Variants in RIT2 observed in about 807,000 individuals in gnomAD.
The protein encoded by RIT2 is Ras like without CAAX 2.
RIT2 carries 24 observed loss-of-function variants against 23.7 expected under a neutral mutation model. That is an observed-to-expected ratio of 1.01 (90% CI 0.73 to 1.43). The LOEUF (loss-of-function observed/expected upper bound fraction) is 1.43, where lower values mean the gene tolerates loss of function less well. RIT2 is among the 40% of genes most tolerant of loss of function. RIT2 has a pLI of 0.00. For missense variants in RIT2, 236 were observed against 266.9 expected (o/e 0.88, Z 0.81); for synonymous variants, 107 against 91.1 (o/e 1.17, Z -0.99).
chr18:42,964,410 AAG>A (rs1309699040), intron 3 of RIT2, among the ~76,000 whole-genome samples: 1 of 151,902 alleles, frequency 6.6e-6, no homozygotes, highest in Non-Finnish European at 1.5e-5. Context: ...AGTGAGCTCC[AAG>A]ATTTTTACCC....
At chr18:42,918,949 C>T (rs947400415) in intron 4 of RIT2, among the ~76,000 whole-genome samples, 1 of 152,134 alleles carries the variant, frequency 6.6e-6, no homozygotes, top group Admixed American at 6.5e-5. Flanking sequence ...ACATGGGTCT[C>T]TCCTGGTTTT....
At chr18:43,114,733 T>C (rs901553992) in intron 1 of RIT2, among the ~76,000 whole-genome samples, 2 of 152,182 alleles carry the variant, frequency 1.3e-5, no homozygotes, top group Admixed American at 6.5e-5. Flanking sequence ...TTCCGTTCTT[T>C]ATGTACCAAA....
intron 3 of RIT2, among the ~76,000 whole-genome samples, chr18:42,949,671 T>C (rs1909805347): frequency 6.6e-6 from 1 of 152,118 alleles, no homozygotes; most frequent in Non-Finnish European, 1.5e-5. Flanking sequence ...TATTAGTTAC[T>C]CCACTTCGAT....
chr18:42,853,072 G>A (rs1022831467), intron 4 of RIT2, among the ~76,000 whole-genome samples: 65 of 152,048 alleles, frequency 4.3e-4, no homozygotes, highest in African/African-American at 1.4e-3. Flanking sequence ...GACTTCAGGC[G>A]ACCCGCCAGC....
intron 4 of RIT2, among the ~76,000 whole-genome samples, chr18:42,836,364 G>A (rs1906603445): frequency 6.6e-6 from 1 of 152,114 alleles, no homozygotes; most frequent in African/African-American, 2.4e-5. Flanking sequence ...GTGGGATGGG[G>A]AGAGTAAAGC....
At chr18:43,087,342 C>T (rs1008187591) in intron 1 of RIT2, among the ~76,000 whole-genome samples, 4 of 151,982 alleles carry the variant, frequency 2.6e-5, no homozygotes, top group Admixed American at 1.3e-4. Context: ...CATAATAACA[C>T]GTGGATGTGT....
At chr18:42,796,135 T>C (rs1238637100) in intron 4 of RIT2, among the ~76,000 whole-genome samples, 2 of 152,096 alleles carry the variant, frequency 1.3e-5, no homozygotes, top group African/African-American at 4.8e-5. Flanking sequence ...TTGCTACTGC[T>C]CACTCTTTGG....
At chr18:42,975,509 C>T (rs1279339276) in intron 2 of RIT2, among the ~76,000 whole-genome samples, 1 of 151,994 alleles carries the variant, frequency 6.6e-6, no homozygotes, top group African/African-American at 2.4e-5. Context: ...TTTATATACA[C>T]AGCCAGGACC....
At chr18:42,826,414 T>A (rs1906298891) in intron 4 of RIT2, among the ~76,000 whole-genome samples, 1 of 152,070 alleles carries the variant, frequency 6.6e-6, no homozygotes. Context: ...AACAAAGATT[T>A]AATCATCTCA....
intron 1 of RIT2, among the ~76,000 whole-genome samples, chr18:43,073,727 C>A (rs1035186082): frequency 2.0e-5 from 3 of 152,164 alleles, no homozygotes; most frequent in Non-Finnish European, 4.4e-5. Context: ...TAGGAACCCT[C>A]CCCTCCAGCA....
intron 1 of RIT2, among the ~76,000 whole-genome samples, chr18:43,087,687 A>G (rs566645285): frequency 7.2e-5 from 11 of 152,284 alleles, no homozygotes; most frequent in East Asian, 5.8e-4. Flanking sequence ...GTTTCAGGTA[A>G]GAGTCTGAGG....
Position 42,949,630 on chromosome 18 carries a change from T to C in RIT2, c.234+24444A>G, listed in dbSNP as rs189517237. Among the ~76,000 whole-genome samples the C allele has an allele frequency of 1.0e-3, 154 of 152,224 alleles. 1 individual carries two copies. The highest frequency in any genetic ancestry group is 3.6e-3 in the African/African-American group (150 of 41,576). On this transcript the variant is annotated intron_variant, in intron 3 of 4. Transcript: ENST00000326695. ...TACAAGTATGAGAAATCTCTCTTCA[T>C]AGCCTTCCTCAGCTCTATTTAACTA...
chr18:43,013,618 C>T (rs954585104), intron 2 of RIT2, among the ~76,000 whole-genome samples: 1 of 151,814 alleles, frequency 6.6e-6, no homozygotes, highest in African/African-American at 2.4e-5. Flanking sequence ...GTATCATCTG[C>T]ATTATACAGT....
chr18:42,919,202 T>C (rs190798105), intron 4 of RIT2, among the ~76,000 whole-genome samples: 3 of 152,232 alleles, frequency 2.0e-5, no homozygotes, highest in African/African-American at 7.2e-5. Flanking sequence ...TAATTCCTAA[T>C]TCTCATGGTT....
rs1014023418 is a variant in RIT2, at chr18:42,791,371, C to T, written c.427-47651G>A. ...AGTTTGTATCCCAGACTACTCTGTA[C>T]GTGACTGGGTACTTAACCTTCTTTT... On this transcript the variant is annotated intron_variant, in intron 4 of 4. Transcript: ENST00000326695. 5.3e-5 allele frequency among the ~76,000 whole-genome samples: 8 copies of T among 152,130 alleles called. No individual in the cohort carries two copies. In the South Asian group the frequency reaches 6.2e-4, roughly 12 times the overall value.
chr18:43,059,347 A>C (rs1394393232), intron 1 of RIT2, among the ~76,000 whole-genome samples: 1 of 152,170 alleles, frequency 6.6e-6, no homozygotes, highest in African/African-American at 2.4e-5. Context: ...CATAAGGTAG[A>C]AGCAGACTTC....
At chr18:42,756,079 G>A (rs1913156568) in intron 4 of RIT2, among the ~76,000 whole-genome samples, 1 of 152,098 alleles carries the variant, frequency 6.6e-6, no homozygotes, top group South Asian at 2.1e-4. Context: ...AGTTAATATG[G>A]TTTAGACCAG....
At chr18:42,968,942 A>G (rs1910300214) in intron 3 of RIT2, among the ~76,000 whole-genome samples, 1 of 152,198 alleles carries the variant, frequency 6.6e-6, no homozygotes, top group African/African-American at 2.4e-5. Context: ...CCTCAGTGTC[A>G]CATCCTAAGG....
chr18:42,955,351 T>A (rs1286741227), intron 3 of RIT2, among the ~76,000 whole-genome samples: 1 of 152,180 alleles, frequency 6.6e-6, no homozygotes, highest in African/African-American at 2.4e-5. Context: ...ACACAAGTGA[T>A]ACCAGGCTGA....
Sources: allele counts gnomAD v4.1 joint callset (sites outside exome capture counted in the v4.1 genomes callset), GRCh38; gene constraint gnomAD v4.1.1; transcripts MANE v1.5; gene names NCBI Gene and HGNC (gene_info 2026-07-23, HGNC 2026-07-21).